EML6: variants seen among roughly 807,000 people sequenced by gnomAD.
EML6 encodes the protein EMAP like 6, also known as echinoderm microtubule-associated protein-like 6.
EML6 carries 154 observed loss-of-function variants against 240.1 expected under a neutral mutation model. The observed-to-expected ratio is 0.64, with a 90% confidence interval of 0.56 to 0.73. The LOEUF (loss-of-function observed/expected upper bound fraction) is 0.73. Ranked by LOEUF, EML6 falls within the 30% of genes least tolerant of loss-of-function variation. The pLI, the probability that EML6 is intolerant of heterozygous loss-of-function variation, is 0.00. For synonymous variants in EML6, 1,148 were observed against 899.0 expected, an observed-to-expected ratio of 1.28 and a Z score of -4.95; for missense variants, 2,964 against 2,474.6, an observed-to-expected ratio of 1.20 and a Z score of -4.20.
At chr2:54,787,382 T>A (rs1380842868) in intron 2 of EML6, among the ~76,000 whole-genome samples, 1 of 152,086 alleles carries the variant, frequency 6.6e-6, no homozygotes, top group Non-Finnish European at 1.5e-5. Flanking sequence ...AGAGGAAGAT[T>A]GAGTTATGAA....
At chr2:54,850,723 G>A (rs569765001) in intron 10 of EML6, among the ~76,000 whole-genome samples, 1 of 152,324 alleles carries the variant, frequency 6.6e-6, no homozygotes, top group East Asian at 1.9e-4. Context: ...AGGGGAAATG[G>A]AAACCACATA....
chr2:54,952,834 G>A (rs1000707087), intron 31 of EML6, 142 bp downstream of exon 31: 63 of 624,768 alleles, frequency 1.0e-4, no homozygotes, highest in Non-Finnish European at 3.7e-5. Context: ...AGTCCTGAGT[G>A]TATCTGTGTC....
intron 2 of EML6, among the ~76,000 whole-genome samples, chr2:54,799,130 G>A (rs569560433): frequency 5.3e-4 from 80 of 152,174 alleles, no homozygotes; most frequent in Middle Eastern, 3.4e-3. Context: ...GCACCATCTC[G>A]GTTCACTGCA....
chr2:54,747,898 G>T (rs745366193), intron 2 of EML6, among the ~76,000 whole-genome samples: 1 of 151,830 alleles, frequency 6.6e-6, no homozygotes, highest in African/African-American at 2.4e-5. Flanking sequence ...ATTTATCTAG[G>T]ATTTTTACTT....
intron 2 of EML6, among the ~76,000 whole-genome samples, chr2:54,791,077 C>T (rs1669423599): frequency 6.6e-6 from 1 of 152,150 alleles, no homozygotes; most frequent in African/African-American, 2.4e-5. Context: ...TAAGTTATTG[C>T]ATTATCACCA....
intron 2 of EML6, among the ~76,000 whole-genome samples, chr2:54,754,526 T>C (rs1350943486): frequency 1.3e-5 from 2 of 152,188 alleles, no homozygotes; most frequent in Non-Finnish European, 2.9e-5. Flanking sequence ...TTGAAATAAC[T>C]GGGTTGCCTG....
At chr2:54,954,192 G>T (rs1397005773) in intron 32 of EML6, 36 bp downstream of exon 32, 1 of 1,533,658 alleles carries the variant, frequency 6.5e-7, no homozygotes, top group South Asian at 1.2e-5. Flanking sequence ...CCTCCAGGGT[G>T]TCTGCCTGTG....
intron 2 of EML6, among the ~76,000 whole-genome samples, chr2:54,789,310 G>A (rs997215811): frequency 1.3e-5 from 2 of 151,734 alleles, no homozygotes; most frequent in South Asian, 4.2e-4. Context: ...TCAGGAGATC[G>A]AGACCATCCT....
At position 54,850,139 on chromosome 2, in the gene EML6, G is replaced by A. The variant is rs368680107; in HGVS notation, c.1365G>A (p.Thr455=). 8.8e-5 allele frequency: 137 copies of A among 1,551,558 alleles called. No individual in the cohort carries two copies. In the African/African-American group the frequency reaches 1.5e-3, roughly 17 times the overall value. The change falls in exon 10 of 42, where the codon ACG becomes ACA. Residue 455 remains threonine (T), a synonymous_variant. Coordinates refer to ENST00000356458, the MANE Select transcript of EML6 (RefSeq NM_001039753.4). ...GCAGCAAGTCCCTTAGTTTCATCAC[G>A]CATATTGACTGGTCCTTGGATAGTA... ...GECSKSLSFI[T]HIDWSLDSKY...
In EML6 at chr2:54,869,325, C is replaced by T. The variant is rs1193959085; in HGVS notation, c.2196C>T (p.Ser732=). The stretch of plus-strand genomic sequence containing the variant: ...TGGGGCACGATGACGACATTCTCAG[C>T]CTGACCATCCATCCAGTGAAGGACT... ...LYLGHDDDIL[S]LTIHPVKDYV... The change falls in exon 15 of 42, where the codon AGC becomes AGT. Residue 732 remains serine (S), a synonymous_variant. Coordinates refer to ENST00000356458, the MANE Select transcript of EML6 (RefSeq NM_001039753.4). The T allele has an allele frequency of 1.3e-6, 2 of 1,551,520 alleles. No homozygotes were observed. Among genetic ancestry groups the T allele is most frequent in the Admixed American group, 3.9e-5 (2 of 50,984 alleles).
chr2:54,859,729 C>G (rs1670576634), intron 12 of EML6, 28 bp downstream of exon 12: 10 of 1,507,780 alleles, frequency 6.6e-6, no homozygotes, highest in Non-Finnish European at 8.9e-6. Flanking sequence ...TTCTTAACAT[C>G]ATTTTATTTT....
chr2:54,917,820 G>A (rs1400120765), intron 26 of EML6, among the ~76,000 whole-genome samples: 3 of 151,780 alleles, frequency 2.0e-5, no homozygotes, highest in East Asian at 1.9e-4. Context: ...TCCCATATTC[G>A]ATGGCTTACA....
chr2:54,869,490 T>G (rs755997868), intron 15 of EML6, 123 bp downstream of exon 15: 28 of 751,288 alleles, frequency 3.7e-5, no homozygotes, highest in Non-Finnish European at 5.4e-5. Flanking sequence ...AGGTGAAGAT[T>G]GAATGATCAT....
intron 2 of EML6, among the ~76,000 whole-genome samples, chr2:54,768,970 G>T (rs985835492): frequency 2.0e-5 from 3 of 152,142 alleles, no homozygotes; most frequent in Non-Finnish European, 1.5e-5. Context: ...GGATAATGAT[G>T]ACTTTGCATA....
chr2:54,879,321 A>G (rs942718997), intron 16 of EML6, among the ~76,000 whole-genome samples: 1 of 152,246 alleles, frequency 6.6e-6, no homozygotes, highest in African/African-American at 2.4e-5. Flanking sequence ...TCCATTTAGT[A>G]TATGATACCC....
chr2:54,958,194 T>C (rs146404331), intron 33 of EML6, among the ~76,000 whole-genome samples, 196 bp downstream of exon 33: 143 of 152,134 alleles, frequency 9.4e-4, no homozygotes, highest in African/African-American at 3.3e-3. Context: ...AACATACATA[T>C]ATATATTATT....
chr2:54,949,281 G>A (rs1450184531), intron 29 of EML6, among the ~76,000 whole-genome samples: 2 of 152,120 alleles, frequency 1.3e-5, no homozygotes, highest in Non-Finnish European at 2.9e-5. Context: ...CCCTTCCATG[G>A]AGAAGAAAGG....
intron 34 of EML6, 144 bp from the exon 35 acceptor site, chr2:54,960,076 G>C (rs1676424794): frequency 1.6e-6 from 1 of 615,326 alleles, no homozygotes; most frequent in East Asian, 2.8e-5. Flanking sequence ...AGGCTGCCTG[G>C]AGGGTCTGGA....
Position 54,820,473 on chromosome 2 carries a change from T to C in EML6, c.525+11T>C, listed in dbSNP as rs1668281669. ...GTAAAACACATAAAGGTAAAGCTTT[T>C]TGTTTTTTAATTTTGGTACCTTGAG... On this transcript the variant is annotated intron_variant, in intron 5 of 41. Transcript: ENST00000356458. 1.3e-6 allele frequency: 2 copies of C among 1,521,774 alleles called. No homozygotes were observed. Among genetic ancestry groups the C allele is most frequent in the African/African-American group, 1.4e-5 (1 of 71,868 alleles). The allele number at this position is 1,521,774 out of a possible 1,614,324, so 94.3% of individuals were successfully genotyped here. A position where few individuals can be genotyped will look rare whatever the true frequency, so the allele number is the denominator to read the frequency against.
Sources: allele counts gnomAD v4.1 joint callset (sites outside exome capture counted in the v4.1 genomes callset), GRCh38; gene constraint gnomAD v4.1.1; transcripts MANE v1.5; gene names NCBI Gene and HGNC (gene_info 2026-07-23, HGNC 2026-07-21).